MBTD1: variants seen among roughly 807,000 people sequenced by gnomAD.
MBTD1 encodes MBT domain-containing protein 1.
A neutral mutation model predicts 87.8 loss-of-function variants in MBTD1; 24 were observed. The observed-to-expected ratio is 0.27, with a 90% CI of 0.20 to 0.38. The LOEUF (loss-of-function observed/expected upper bound fraction) is 0.38. Ranked by LOEUF, MBTD1 falls within the 10% of genes least tolerant of loss-of-function variation. MBTD1 has a pLI of 1.00. For missense variants in MBTD1, 436 were observed against 760.2 expected (o/e 0.57, Z 5.02); for synonymous variants, 237 against 248.6 (o/e 0.95, Z 0.44).
chr17:51,195,063 A>G (rs184505763), intron 13 of MBTD1, 151 bp downstream of exon 13: 353 of 548,606 alleles, frequency 6.4e-4, no homozygotes, highest in African/African-American at 5.9e-3. Flanking sequence ...TTATATTTTT[A>G]GAGCAACCTA....
chr17:51,227,930 C>T (rs1298221051), intron 2 of MBTD1, among the ~76,000 whole-genome samples: 4 of 146,196 alleles, frequency 2.7e-5, no homozygotes, highest in South Asian at 2.1e-4. Flanking sequence ...CCAGCCTGGG[C>T]GACAGAGCAA....
At chr17:51,206,110 T>C (rs926072113) in intron 7 of MBTD1, among the ~76,000 whole-genome samples, 10 of 152,216 alleles carry the variant, frequency 6.6e-5, no homozygotes, top group Non-Finnish European at 1.3e-4. Context: ...TATCATCTTT[T>C]GTCCACATTG....
intron 6 of MBTD1, among the ~76,000 whole-genome samples, chr17:51,212,900 T>C (rs535713330): frequency 4.6e-5 from 7 of 152,246 alleles, no homozygotes; most frequent in African/African-American, 1.4e-4. Flanking sequence ...CTAATTTTTT[T>C]TCTATTTTTA....
intron 6 of MBTD1, 110 bp from the exon 7 acceptor site, chr17:51,207,115 A>C: frequency 1.8e-6 from 1 of 565,508 alleles, no homozygotes; most frequent in Non-Finnish European, 3.1e-6. Context: ...TAAAAATGTC[A>C]TTTTAATTCC....
intron 2 of MBTD1, among the ~76,000 whole-genome samples, chr17:51,257,784 A>C (rs2055177831): frequency 6.6e-6 from 1 of 152,208 alleles, no homozygotes; most frequent in Non-Finnish European, 1.5e-5. Context: ...ATTCTTTTTC[A>C]CAAGCTGAAT....
rs1052530301 is a variant in MBTD1 at position 51,220,552 on chromosome 17, G to T, written c.155-89C>A. The stretch of plus-strand genomic sequence containing the variant: ...GTTTAAATAATTTCTCCTGCCATCT[G>T]AAAGTTTTAATTAAAAAATTTGCCT... On this transcript the variant is annotated intron_variant, in intron 3 of 16. Coordinates refer to ENST00000586178, the MANE Select transcript of MBTD1 (RefSeq NM_017643.3). 9 of 1,267,856 alleles carry T rather than the reference G, an allele frequency of 7.1e-6. No individual in the cohort carries two copies. In the South Asian group the frequency reaches 1.3e-4, roughly 18 times the overall value. 78.5% of individuals were successfully genotyped at this position (1,267,856 alleles called of 1,614,324 possible).
chr17:51,257,183 G>T (rs2055138758), intron 2 of MBTD1, among the ~76,000 whole-genome samples: 1 of 152,174 alleles, frequency 6.6e-6, no homozygotes, highest in African/African-American at 2.4e-5. Flanking sequence ...TTTAACTATT[G>T]TAAGTCCTTT....
intron 3 of MBTD1, among the ~76,000 whole-genome samples, chr17:51,224,157 A>G (rs1468248119): frequency 1.3e-5 from 2 of 152,208 alleles, no homozygotes; most frequent in Non-Finnish European, 1.5e-5. Flanking sequence ...TTCAATGGTA[A>G]AACCAGGACA....
chr17:51,211,410 G>C (rs1327650853), intron 6 of MBTD1, among the ~76,000 whole-genome samples: 1 of 151,960 alleles, frequency 6.6e-6, no homozygotes, highest in Non-Finnish European at 1.5e-5. Flanking sequence ...GTGAGGCTGA[G>C]GTGGGAGAGT....
intron 7 of MBTD1, among the ~76,000 whole-genome samples, chr17:51,206,218 T>C (rs1316932305): frequency 6.6e-6 from 1 of 152,172 alleles, no homozygotes; most frequent in East Asian, 1.9e-4. Context: ...GAACCCAAGA[T>C]ATATAAAATT....
intron 3 of MBTD1, among the ~76,000 whole-genome samples, chr17:51,222,516 T>C (rs8068735): frequency 0.1 from 15,567 of 152,106 alleles, 1,590 homozygotes; most frequent in African/African-American, 0.26. Context: ...GCAATTCTCC[T>C]GCCTCAGCCT....
At chr17:51,237,751 T>C (rs1447029682) in intron 2 of MBTD1, among the ~76,000 whole-genome samples, 1 of 152,218 alleles carries the variant, frequency 6.6e-6, no homozygotes, top group Non-Finnish European at 1.5e-5. Flanking sequence ...GCAGGCAGTT[T>C]CTTAAAAAGT....
chr17:51,179,346 C>T lies in MBTD1; in HGVS notation c.*1230G>A, dbSNP rs1231309142. On this transcript the variant is annotated 3_prime_UTR_variant, in exon 17 of 17. Transcript: ENST00000586178. ...GTAGAAAGTTAGAAAATGCAGAGAGCAAACCTTTCACCAGTTTACCCTTGT... is the reference window on the plus strand; with the variant it reads ...GTAGAAAGTTAGAAAATGCAGAGAGTAAACCTTTCACCAGTTTACCCTTGT... 7 of 148,152 alleles carry T rather than the reference C, an allele frequency of 4.7e-5. No homozygotes were observed. The East Asian group carries it at 1.4e-3, about 29-fold the overall frequency. The allele number at this position is 148,152 out of a possible 1,614,324, so 9.2% of individuals were successfully genotyped here. A position where few individuals can be genotyped will look rare whatever the true frequency, so the allele number is the denominator to read the frequency against.
chr17:51,195,401 A>G (rs1342081891), intron 12 of MBTD1, 40 bp from the exon 13 acceptor site: 1 of 1,472,856 alleles, frequency 6.8e-7, no homozygotes, highest in African/African-American at 1.4e-5. Flanking sequence ...GAAATTAGAT[A>G]CCACTATTAT....
intron 12 of MBTD1, among the ~76,000 whole-genome samples, chr17:51,197,694 C>T (rs1486952057): frequency 1.3e-5 from 2 of 151,870 alleles, no homozygotes; most frequent in Non-Finnish European, 2.9e-5. Flanking sequence ...CAGTGTTTTG[C>T]CCTATTGCTC....
intron 2 of MBTD1, among the ~76,000 whole-genome samples, chr17:51,230,188 G>C (rs1051308547): frequency 6.6e-6 from 1 of 152,156 alleles, no homozygotes; most frequent in African/African-American, 2.4e-5. Context: ...AAGATGAAGT[G>C]AGACCTTGAA....
chr17:51,213,889 G>A (rs2052404134), intron 6 of MBTD1, among the ~76,000 whole-genome samples: 1 of 151,642 alleles, frequency 6.6e-6, no homozygotes, highest in Admixed American at 6.6e-5. Flanking sequence ...AGAGAAAAGG[G>A]GAATTCTTGC....
chr17:51,209,250 GA>G lies in MBTD1; in HGVS notation c.487-2246del, dbSNP rs1405081823. ...TCTTGCTGGCAGGAGGGATACCTCT[GA>G]AAGTCTGGATTGGCATAGCATGAAC... On this transcript the variant is annotated intron_variant, in intron 6 of 16. Coordinates refer to ENST00000586178, the MANE Select transcript of MBTD1 (RefSeq NM_017643.3). 9 of 398,398 alleles carry G rather than the reference GA, an allele frequency of 2.3e-5. No individual in the cohort carries two copies. The East Asian group carries it at 6.6e-4, about 29-fold the overall frequency. 24.7% of individuals were successfully genotyped at this position (398,398 alleles called of 1,614,324 possible).
intron 2 of MBTD1, among the ~76,000 whole-genome samples, chr17:51,238,467 A>T (rs1028084228): frequency 3.3e-5 from 5 of 152,240 alleles, no homozygotes; most frequent in African/African-American, 1.2e-4. Flanking sequence ...AGAGGTAACG[A>T]GAGTTTCTAA....
Sources: gnomAD v4.1 joint callset for allele counts (sites outside exome capture counted in the v4.1 genomes callset) on GRCh38, gnomAD v4.1.1 for gene constraint, MANE v1.5 for transcripts, NCBI Gene and HGNC (gene_info 2026-07-23, HGNC 2026-07-21) for gene names.